The following SPRTN variants were observed in gnomAD, a reference collection of about 807,000 sequenced individuals.
SPRTN encodes the protein DNA-dependent metalloprotease SPRTN.
SPRTN carries 11 observed loss-of-function variants against 31.9 expected under a neutral mutation model. The observed-to-expected ratio is 0.34, with a 90% confidence interval of 0.22 to 0.57. The LOEUF is 0.57. SPRTN is among the 20% of genes least tolerant of loss of function. The pLI is 0.86. For synonymous variants in SPRTN, 185 were observed against 212.1 expected, an observed-to-expected ratio of 0.87 and a Z score of 1.11; for missense variants, 482 against 590.1, an observed-to-expected ratio of 0.82 and a Z score of 1.90.
chr1:231,350,486 CT>C (rs1687191968), intron 3 of SPRTN, among the ~76,000 whole-genome samples: 1 of 151,944 alleles, frequency 6.6e-6, no homozygotes, highest in Non-Finnish European at 1.5e-5. Context: ...CTGTTTTCTG[CT>C]TGGGTTCCAA....
chr1:231,353,100 A>G lies in SPRTN; in HGVS notation c.1209A>G (p.Thr403=). The G allele has an allele frequency of 6.2e-7, 1 of 1,613,800 alleles. No individual in the cohort carries two copies. Among genetic ancestry groups the G allele is most frequent in the Non-Finnish European group, 8.5e-7 (1 of 1,179,896 alleles). ...PSQDVSGSED[T]FPNKRPRLED... ...AGGATGTGAGTGGGTCTGAAGATAC[A>G]TTCCCAAATAAACGACCTAGGCTAG... The change falls in exon 5 of 5, where the codon ACA becomes ACG. Residue 403 remains threonine, a synonymous_variant. Transcript: ENST00000295050.
intron 1 of SPRTN, chr1:231,339,371 C>A (rs926562484): frequency 9.9e-6 from 4 of 404,976 alleles, no homozygotes; most frequent in Non-Finnish European, 1.9e-5. Context: ...CTGGGAGTAG[C>A]AGAATAGGAT....
chr1:231,347,937 C>T lies in SPRTN; in HGVS notation c.450+12C>T. 6.2e-7 allele frequency: 1 copy of T among 1,602,426 alleles called. No individual in the cohort carries two copies. The highest frequency in any genetic ancestry group is 8.5e-7 in the Non-Finnish European group (1 of 1,177,166). ...GAGCCAATATAACGGTATAGAAAGC[C>T]ATATCTATTTATGATGTTTAGTAGT... On this transcript the variant is annotated intron_variant, in intron 3 of 4. Transcript: ENST00000295050.
chr1:231,351,680 G>A, intron 4 of SPRTN, 109 bp downstream of exon 4: 1 of 1,509,748 alleles, frequency 6.6e-7, no homozygotes, highest in Non-Finnish European at 8.8e-7. Context: ...ATCGTTTCTG[G>A]TGTAGAAGTC....
chr1:231,343,721 G>A (rs927997225), intron 2 of SPRTN, among the ~76,000 whole-genome samples: 4 of 152,030 alleles, frequency 2.6e-5, no homozygotes, highest in African/African-American at 9.7e-5. Flanking sequence ...GTGGGTTTAG[G>A]TTCCAGTTTC....
intron 1 of SPRTN, 120 bp from the exon 2 acceptor site, chr1:231,339,648 AG>A: frequency 5.0e-6 from 5 of 1,009,312 alleles, no homozygotes; most frequent in Non-Finnish European, 7.8e-6. Context: ...CTGCTAACCA[AG>A]GGGGGTATAC....
chr1:231,347,808 T>C lies in SPRTN; in HGVS notation c.333T>C (p.His111=). The C allele has an allele frequency of 6.2e-7, 1 of 1,610,982 alleles. No homozygotes were observed. The highest frequency in any genetic ancestry group is 2.2e-5 in the East Asian group (1 of 44,870). The change falls in exon 3 of 5, where the codon CAT becomes CAC. Residue 111 remains histidine, a synonymous_variant. Coordinates refer to ENST00000295050, the MANE Select transcript of SPRTN (RefSeq NM_032018.7). ...ATTTTATGTTCCAGACCCTCCTGCA[T>C]GAAATGATACATGCCTATTTATTTG... ...PRKDLVETLL[H]EMIHAYLFVT... is the part of the protein sequence containing the mutation.
At position 231,353,783 on chromosome 1, in the gene SPRTN, T is replaced by C; in HGVS notation, c.*422T>C. On this transcript the variant is annotated 3_prime_UTR_variant, in exon 5 of 5. Coordinates refer to ENST00000295050, the MANE Select transcript of SPRTN (RefSeq NM_032018.7). ...CCTGAACTGATGTAAATCTTCATAG[T>C]GTCAGACATACTGACCAAAACCACA... 1.0e-6 allele frequency: 1 copy of C among 982,750 alleles called. No homozygotes were observed. Among genetic ancestry groups the C allele is most frequent in the Non-Finnish European group, 1.2e-6 (1 of 827,022 alleles). 60.9% of individuals were successfully genotyped at this position (982,750 alleles called of 1,614,324 possible).
chr1:231,350,212 G>A (rs2250734), intron 3 of SPRTN, among the ~76,000 whole-genome samples: 86,299 of 152,118 alleles, frequency 0.57, 25,226 homozygotes, highest in Middle Eastern at 0.64. Context: ...GAGCGATAGT[G>A]AGTTTAAAAC....
At chr1:231,343,336 T>TA (rs1005158358) in intron 2 of SPRTN, among the ~76,000 whole-genome samples, 6 of 152,106 alleles carry the variant, frequency 3.9e-5, no homozygotes, top group Non-Finnish European at 8.8e-5. Context: ...TATATATATA[T>TA]ATATATTACA....
intron 3 of SPRTN, among the ~76,000 whole-genome samples, chr1:231,350,677 G>A (rs1687195762): frequency 6.6e-6 from 1 of 152,110 alleles, no homozygotes; most frequent in Non-Finnish European, 1.5e-5. Context: ...AGATCCTGGA[G>A]AACTTTTCAG....
Position 231,338,339 on chromosome 1 carries a change from G to T in SPRTN, c.-45G>T. 6.2e-7 allele frequency: 1 copy of T among 1,604,600 alleles called. No homozygotes were observed. The highest frequency in any genetic ancestry group is 8.5e-7 in the Non-Finnish European group (1 of 1,174,434). On this transcript the variant is annotated 5_prime_UTR_variant, in exon 1 of 5. Coordinates refer to ENST00000295050, the MANE Select transcript of SPRTN (RefSeq NM_032018.7). Reference sequence around the variant, plus strand: ...GGCTTGGGGTCGCGGCGTAACTGGGGAGCCAGCCTGACGCCGGCGGACCCC... The same window carrying T: ...GGCTTGGGGTCGCGGCGTAACTGGGTAGCCAGCCTGACGCCGGCGGACCCC...
chr1:231,350,130 C>T (rs1687181624), intron 3 of SPRTN, among the ~76,000 whole-genome samples: 2 of 152,318 alleles, frequency 1.3e-5, no homozygotes, highest in East Asian at 1.9e-4. Context: ...CTATGTCCTT[C>T]AGTCCCTTCT....
intron 2 of SPRTN, 141 bp downstream of exon 2, chr1:231,340,009 A>AAT (rs1422753616): frequency 1.5e-6 from 1 of 659,164 alleles, no homozygotes; most frequent in Non-Finnish European, 2.6e-6. Context: ...TGGGGCAAAC[A>AAT]ATAATGAACA....
Position 231,353,776 on chromosome 1 carries a change from T to C in SPRTN, c.*415T>C, listed in dbSNP as rs1165015179. On this transcript the variant is annotated 3_prime_UTR_variant, in exon 5 of 5. Transcript: ENST00000295050. ...CTCATTCCCTGAACTGATGTAAATC[T>C]TCATAGTGTCAGACATACTGACCAA... 15 of 983,740 alleles carry C rather than the reference T, an allele frequency of 1.5e-5. No individual in the cohort carries two copies. Among genetic ancestry groups the C allele is most frequent in the Non-Finnish European group, 1.8e-5 (15 of 827,764 alleles). The allele number at this position is 983,740 out of a possible 1,614,324, so 60.9% of individuals were successfully genotyped here.
rs577782632 is a variant in SPRTN, at chr1:231,345,509, A to G, written c.322-2288A>G. ...CCTTCTCATTCTTTTTTGTGGCTGC[A>G]TAGAATTCCATTATATGGATGTATA... On this transcript the variant is annotated intron_variant, in intron 2 of 4. Transcript: ENST00000295050. Among the ~76,000 whole-genome samples the G allele has an allele frequency of 1.9e-3, 291 of 152,308 alleles. 3 individuals carry two copies. The highest frequency in any genetic ancestry group is 6.8e-3 in the African/African-American group (281 of 41,560).
chr1:231,350,312 T>G (rs139564306), intron 3 of SPRTN, among the ~76,000 whole-genome samples: 255 of 152,326 alleles, frequency 1.7e-3, no homozygotes, highest in Non-Finnish European at 2.8e-3. Context: ...ACCAAAATCT[T>G]ACATACAGAT....
intron 2 of SPRTN, among the ~76,000 whole-genome samples, chr1:231,340,295 A>T (rs1056293620): frequency 6.6e-6 from 1 of 152,062 alleles, no homozygotes; most frequent in Non-Finnish European, 1.5e-5. Context: ...TGAACTGAGG[A>T]GGCGGAGCTT....
chr1:231,353,307 G>C lies in SPRTN; in HGVS notation c.1416G>C (p.Leu472Phe), dbSNP rs774288244. 2.6e-5 allele frequency: 42 copies of C among 1,601,854 alleles called. No homozygotes were observed. The highest frequency in any genetic ancestry group is 3.4e-5 in the Non-Finnish European group (40 of 1,177,010). Residue 472 changes from leucine (L) to phenylalanine (F), a missense_variant, in exon 5 of 5, where the codon TTG (leucine) becomes TTC (phenylalanine). Around this residue, in one of 2 missense-constraint regions of SPRTN, gnomAD observed 325 missense variants for 350.2 expected, o/e 0.93. Coordinates refer to ENST00000295050, the MANE Select transcript of SPRTN (RefSeq NM_032018.7). ...EVLESQINEH[L>F]DWCLEGDSIK... Reference sequence around the variant, plus strand: ...TGGAGTCTCAGATTAATGAGCACTTGGACTGGTGCCTTGAAGGTGACAGCA... The same window carrying C: ...TGGAGTCTCAGATTAATGAGCACTTCGACTGGTGCCTTGAAGGTGACAGCA...
Sources: gnomAD v4.1 joint callset for allele counts (sites outside exome capture counted in the v4.1 genomes callset) on GRCh38, gnomAD v4.1.1 for gene constraint, gnomAD v4.1.1 regional missense constraint, MANE v1.5 for transcripts, NCBI Gene and HGNC (gene_info 2026-07-23, HGNC 2026-07-21) for gene names.